The following PARD3 variants were observed in gnomAD, a reference collection of about 807,000 sequenced individuals.
PARD3 encodes partitioning defective 3 homolog.
PARD3 carries 75 observed loss-of-function variants against 155.4 expected under a neutral mutation model. The ratio of observed to expected loss-of-function variants is 0.48; its 90% confidence interval spans 0.40 to 0.58. The LOEUF (loss-of-function observed/expected upper bound fraction) is 0.58. Among genes scored for constraint, PARD3 ranks in the 20% least tolerant of loss-of-function variants. PARD3 has a pLI of 0.00. For missense variants in PARD3, 1,642 were observed against 1,721.7 expected, an observed-to-expected ratio of 0.95 and a Z score of 0.82; for synonymous variants, 576 against 610.5, an observed-to-expected ratio of 0.94 and a Z score of 0.83.
In PARD3 at chr10:34,284,156, C is replaced by T. The variant is rs1005751027; in HGVS notation, c.3155G>A (p.Arg1052Gln). ...ESFTSEEERI[R>Q]MKQEQERIQA... ...CTACCTCTCCTGCTCCTGCTTCATT[C>T]GTATCCTCTCCTCTTCTGATGTAAA... The change falls in exon 21 of 25, where the codon CGA becomes CAA. Residue 1052 changes from arginine to glutamine, a missense_variant. This residue lies in a region of PARD3 where 1,529 missense variants were observed against 1,587.3 expected (regional missense o/e 0.96). Coordinates refer to ENST00000374788, the MANE Select transcript of PARD3 (RefSeq NM_001184785.2). 4 of 1,598,204 alleles carry T rather than the reference C, an allele frequency of 2.5e-6. No homozygotes were observed. Among genetic ancestry groups the T allele is most frequent in the African/African-American group, 2.7e-5 (2 of 74,056 alleles).
At chr10:34,335,067 T>A (rs937144338) in intron 18 of PARD3, among the ~76,000 whole-genome samples, 2 of 151,922 alleles carry the variant, frequency 1.3e-5, no homozygotes, top group Non-Finnish European at 2.9e-5. Flanking sequence ...CTGTAAAAAC[T>A]AACTACTATT....
chr10:34,163,587 T>C (rs1204837248), intron 22 of PARD3, among the ~76,000 whole-genome samples: 1 of 152,204 alleles, frequency 6.6e-6, no homozygotes, highest in Non-Finnish European at 1.5e-5. Context: ...ACTTTTTCTA[T>C]AAAGGCCCTA....
intron 1 of PARD3, among the ~76,000 whole-genome samples, chr10:34,813,179 A>G (rs760852822): frequency 6.6e-6 from 1 of 152,260 alleles, no homozygotes. Context: ...TATTTTGTGC[A>G]GGATGAAACA....
At chr10:34,446,083 T>C (rs1162371118) in intron 5 of PARD3, among the ~76,000 whole-genome samples, 1 of 151,950 alleles carries the variant, frequency 6.6e-6, no homozygotes, top group Non-Finnish European at 1.5e-5. Context: ...TTAGGAAAAA[T>C]GTATTTGCTT....
chr10:34,523,310 A>C (rs920870203), intron 2 of PARD3, among the ~76,000 whole-genome samples: 1 of 152,180 alleles, frequency 6.6e-6, no homozygotes, highest in Non-Finnish European at 1.5e-5. Flanking sequence ...GCAATCTCTC[A>C]CTTTCCATTG....
chr10:34,191,351 G>C (rs2133264653), intron 22 of PARD3, among the ~76,000 whole-genome samples: 1 of 152,204 alleles, frequency 6.6e-6, no homozygotes. Flanking sequence ...TGGGCAGCTA[G>C]ATGTAGTCTG....
chr10:34,632,559 C>A (rs1042836087), intron 2 of PARD3, among the ~76,000 whole-genome samples: 2 of 152,204 alleles, frequency 1.3e-5, no homozygotes, highest in Non-Finnish European at 2.9e-5. Flanking sequence ...TAGGTAAACA[C>A]AGATAATACT....
chr10:34,466,452 AG>A (rs1190184103), intron 4 of PARD3, among the ~76,000 whole-genome samples: 3 of 152,210 alleles, frequency 2.0e-5, no homozygotes, highest in Non-Finnish European at 4.4e-5. Flanking sequence ...CTTAGAAACA[AG>A]ATTTTAATTG....
intron 4 of PARD3, among the ~76,000 whole-genome samples, chr10:34,450,992 A>G (rs2077024660): frequency 6.6e-6 from 1 of 152,204 alleles, no homozygotes; most frequent in Non-Finnish European, 1.5e-5. Context: ...GATAGCAGTC[A>G]GCATTAACTC....
chr10:34,113,207 C>G (rs1007647072), intron 24 of PARD3, among the ~76,000 whole-genome samples: 1 of 152,226 alleles, frequency 6.6e-6, no homozygotes, highest in African/African-American at 2.4e-5. Flanking sequence ...CTCTGGCCTA[C>G]TAAGATCCAC....
At chr10:34,280,949 G>A (rs978617588) in intron 21 of PARD3, among the ~76,000 whole-genome samples, 2 of 152,186 alleles carry the variant, frequency 1.3e-5, no homozygotes, top group African/African-American at 2.4e-5. Flanking sequence ...AAACATACTT[G>A]TAAACAGAAC....
intron 2 of PARD3, among the ~76,000 whole-genome samples, chr10:34,654,189 T>C (rs534214812): frequency 6.7e-6 from 1 of 150,360 alleles, no homozygotes; most frequent in South Asian, 2.1e-4. Context: ...AAAAAAAAGT[T>C]CAAAGAACTA....
intron 2 of PARD3, among the ~76,000 whole-genome samples, chr10:34,660,764 A>G (rs2093303827): frequency 6.6e-6 from 1 of 152,154 alleles, no homozygotes; most frequent in Non-Finnish European, 1.5e-5. Flanking sequence ...TCAGTACCAA[A>G]TAGGATAGCA....
At chr10:34,145,763 CGTT>C (rs1164182400) in intron 22 of PARD3, among the ~76,000 whole-genome samples, 2 of 152,044 alleles carry the variant, frequency 1.3e-5, no homozygotes, top group Admixed American at 6.6e-5. Context: ...AACAAACAAA[CGTT>C]GTTTGTTTTG....
intron 4 of PARD3, among the ~76,000 whole-genome samples, chr10:34,463,016 T>TAGGAAAGGGAACGAGGAGGGGAAGGGG (rs2077757079): frequency 3.7e-5 from 1 of 26,904 alleles, no homozygotes; most frequent in Non-Finnish European, 6.6e-5. Context: ...AGGGGAAGGG[T>TAGGAAAGGGAACGAGGAGGGGAAGGGG]AGGAAAGGGA....
chr10:34,785,228 GA>G (rs1399013177), intron 1 of PARD3, among the ~76,000 whole-genome samples: 2 of 152,132 alleles, frequency 1.3e-5, no homozygotes, highest in African/African-American at 4.8e-5. Context: ...ACACACAAAT[GA>G]GATATAACTT....
intron 2 of PARD3, among the ~76,000 whole-genome samples, chr10:34,633,364 C>T (rs955178282): frequency 2.0e-5 from 3 of 152,110 alleles, no homozygotes; most frequent in Non-Finnish European, 4.4e-5. Context: ...CGCTAACCTC[C>T]CAACCTCTAA....
chr10:34,552,714 C>CA (rs10709334), intron 2 of PARD3, among the ~76,000 whole-genome samples: 144 of 140,662 alleles, frequency 1.0e-3, no homozygotes, highest in East Asian at 4.2e-3. Context: ...AACTCCATCT[C>CA]AAAAAAAAAA....
intron 22 of PARD3, among the ~76,000 whole-genome samples, chr10:34,263,120 G>C (rs143395891): frequency 1.3e-5 from 2 of 152,276 alleles, no homozygotes; most frequent in Non-Finnish European, 2.9e-5. Context: ...TTCCTTGCTT[G>C]TTTCTGCACC....
Sources: gnomAD v4.1 joint callset for allele counts (sites outside exome capture counted in the v4.1 genomes callset) on GRCh38, gnomAD v4.1.1 for gene constraint, gnomAD v4.1.1 regional missense constraint, MANE v1.5 for transcripts, NCBI Gene and HGNC (gene_info 2026-07-23, HGNC 2026-07-21) for gene names.